The following NUP188 variants were observed in gnomAD, a reference collection of about 807,000 sequenced individuals.
The protein encoded by NUP188 is nucleoporin NUP188.
NUP188 carries 97 observed loss-of-function variants against 223.0 expected under a neutral mutation model. The observed-to-expected ratio is 0.43, with a 90% CI of 0.37 to 0.51. NUP188 has a LOEUF of 0.51. Among genes scored for constraint, NUP188 ranks in the 20% least tolerant of loss-of-function variants. The pLI, the probability that NUP188 is intolerant of heterozygous loss-of-function variation, is 0.00. For synonymous variants in NUP188, 869 were observed against 828.0 expected, an observed-to-expected ratio of 1.05 and a Z score of -0.85; for missense variants, 1,947 against 2,175.6, an observed-to-expected ratio of 0.89 and a Z score of 2.09.
At position 128,983,383 on chromosome 9, in the gene NUP188, G is replaced by A; in HGVS notation, c.1884+3G>A. 2 of 1,614,142 alleles carry A rather than the reference G, an allele frequency of 1.2e-6. No homozygotes were observed. The highest frequency in any genetic ancestry group is 1.7e-6 in the Non-Finnish European group (2 of 1,179,992). ...TGGCTGCCCGCAATCCAGCAAAGGTGAGATGCCAGATCTTCCCAAGAGCCA... is the reference window on the plus strand; with the variant it reads ...TGGCTGCCCGCAATCCAGCAAAGGTAAGATGCCAGATCTTCCCAAGAGCCA... On this transcript the variant is annotated splice_donor_region_variant and intron_variant, in intron 18 of 43. Coordinates refer to ENST00000372577, the MANE Select transcript of NUP188 (RefSeq NM_015354.3).
chr9:128,949,715 G>A (rs972452692), intron 2 of NUP188, among the ~76,000 whole-genome samples: 8 of 151,584 alleles, frequency 5.3e-5, no homozygotes, highest in Admixed American at 1.3e-4. Flanking sequence ...TGCAACCTCC[G>A]CCTCCCGAGT....
intron 13 of NUP188, among the ~76,000 whole-genome samples, chr9:128,980,337 A>G (rs1452249668): frequency 1.3e-5 from 2 of 152,178 alleles, no homozygotes; most frequent in African/African-American, 2.4e-5. Context: ...CATGTAATGC[A>G]CAGGTGAACA....
chr9:128,984,124 A>ATTTTTTTTTTT lies in NUP188; in HGVS notation c.1961+583_1961+593dup, dbSNP rs1193631566. On this transcript the variant is annotated intron_variant, in intron 19 of 43. Transcript: ENST00000372577. ...GGCGTGAGCCACCGCGCCTGGCCTG[A>ATTTTTTTTTTT]TTTTTTTTTTTTTTTTTTTGAGATG... 8.9e-4 allele frequency among the ~76,000 whole-genome samples: 83 copies of ATTTTTTTTTTT among 93,042 alleles called. 11 individuals are homozygous for ATTTTTTTTTTT. Among genetic ancestry groups the ATTTTTTTTTTT allele is most frequent in the African/African-American group, 4.1e-3 (69 of 16,960 alleles). The allele number at this position is 93,042 out of a possible 152,430, so 61.0% of individuals were successfully genotyped here.
At position 129,002,937 on chromosome 9, in the gene NUP188, C is replaced by T. The variant is rs756635317; in HGVS notation, c.4258C>T (p.Leu1420=). ...GCGCTACAACTTCCTGCCTGAGGCCCTGGACTTCGTGGGTGTCCACCAGGA... is the reference window on the plus strand; with the variant it reads ...GCGCTACAACTTCCTGCCTGAGGCCTTGGACTTCGTGGGTGTCCACCAGGA... The part of the protein sequence containing the change: ...TLRYNFLPEA[L]DFVGVHQERT... Residue 1420 remains leucine, a synonymous_variant, in exon 37 of 44, where the codon CTG becomes TTG. Coordinates refer to ENST00000372577, the MANE Select transcript of NUP188 (RefSeq NM_015354.3). 6.2e-7 allele frequency: 1 copy of T among 1,614,208 alleles called. No homozygotes were observed. The highest frequency in any genetic ancestry group is 1.1e-5 in the South Asian group (1 of 91,088).
At chr9:128,971,384 G>A (rs757361873) in intron 11 of NUP188, among the ~76,000 whole-genome samples, 6 of 152,234 alleles carry the variant, frequency 3.9e-5, no homozygotes, top group East Asian at 3.9e-4. Flanking sequence ...TTATGTTGGG[G>A]TTTGAGTGGC....
rs1315255489 is a variant in NUP188, at chr9:128,983,286, C to T, written c.1797-7C>T. On this transcript the variant is annotated splice_polypyrimidine_tract_variant and splice_region_variant and intron_variant, in intron 17 of 43. Coordinates refer to ENST00000372577, the MANE Select transcript of NUP188 (RefSeq NM_015354.3). The stretch of plus-strand genomic sequence containing the variant: ...TTATTGAGTATAGTGTATTGTTCTC[C>T]AACCAGGTTAACGACAGTGATCTCC... The T allele has an allele frequency of 5.0e-6, 8 of 1,612,696 alleles. No individual in the cohort carries two copies. Among genetic ancestry groups the T allele is most frequent in the Admixed American group, 1.7e-5 (1 of 60,006 alleles).
chr9:129,002,775 T>C (rs1339691457), intron 36 of NUP188, 42 bp from the exon 37 acceptor site: 2 of 1,595,086 alleles, frequency 1.3e-6, no homozygotes, highest in Non-Finnish European at 1.7e-6. Context: ...AGGTCCTGCC[T>C]CTCAGCAGGG....
intron 2 of NUP188, 106 bp downstream of exon 2, chr9:128,949,349 AG>A: frequency 3.8e-6 from 3 of 779,806 alleles, no homozygotes; most frequent in Non-Finnish European, 6.4e-6. Flanking sequence ...TTATTTATTT[AG>A]AGACAGAGTT....
At chr9:128,966,673 C>T (rs1014784776) in intron 8 of NUP188, among the ~76,000 whole-genome samples, 1 of 152,134 alleles carries the variant, frequency 6.6e-6, no homozygotes, top group Non-Finnish European at 1.5e-5. Flanking sequence ...TTATTTGATT[C>T]TGTTATCAGA....
In NUP188 at chr9:128,949,259, C is replaced by G; in HGVS notation, c.87+16C>G. ...GAGAGAGCTGGTAAGTGGTGGTGTT[C>G]TTGAGTGGGTTCTCTGGGTTCTTTG... On this transcript the variant is annotated intron_variant, in intron 2 of 43. Transcript: ENST00000372577. The G allele has an allele frequency of 1.2e-6, 2 of 1,601,146 alleles. No individual in the cohort carries two copies. The highest frequency in any genetic ancestry group is 1.7e-6 in the Non-Finnish European group (2 of 1,168,622).
chr9:128,966,093 ACT>A (rs541624000), intron 8 of NUP188, among the ~76,000 whole-genome samples: 346 of 125,064 alleles, frequency 2.8e-3, no homozygotes, highest in Non-Finnish European at 4.8e-3. Context: ...CCGCGCCCGG[ACT>A]CTCTCTCTTT....
intron 34 of NUP188, among the ~76,000 whole-genome samples, chr9:129,000,964 G>C (rs1228797085): frequency 6.6e-6 from 1 of 152,084 alleles, no homozygotes; most frequent in African/African-American, 2.4e-5. Flanking sequence ...CGTGAACCCA[G>C]GAGCGGAGGT....
intron 29 of NUP188, 71 bp from the exon 30 acceptor site, chr9:128,995,248 C>A: frequency 7.7e-7 from 1 of 1,296,024 alleles, no homozygotes; most frequent in Non-Finnish European, 1.1e-6. Context: ...TCTGCCTCAA[C>A]AAGGGTCTGT....
At chr9:128,961,927 G>A (rs572732169) in intron 8 of NUP188, among the ~76,000 whole-genome samples, 1 of 144,890 alleles carries the variant, frequency 6.9e-6, no homozygotes, top group African/African-American at 2.6e-5. Flanking sequence ...CCCGGCCTAG[G>A]ACATACCATA....
chr9:128,953,068 A>T (rs1588267698), intron 3 of NUP188, among the ~76,000 whole-genome samples: 1 of 152,306 alleles, frequency 6.6e-6, no homozygotes, highest in East Asian at 1.9e-4. Flanking sequence ...TATAATTATG[A>T]CCTATGTGTG....
Position 128,982,517 on chromosome 9 carries a change from A to C in NUP188, c.1517-32A>C, listed in dbSNP as rs759139734. ...GGAGTTACATTTTTTATTTATCCTCAGATATTAGACTAATTTATCTTTCTC... is the reference window on the plus strand; with the variant it reads ...GGAGTTACATTTTTTATTTATCCTCCGATATTAGACTAATTTATCTTTCTC... On this transcript the variant is annotated intron_variant, in intron 15 of 43. Transcript: ENST00000372577. 3 of 1,575,000 alleles carry C rather than the reference A, an allele frequency of 1.9e-6. No individual in the cohort carries two copies. The Admixed American group carries it at 5.5e-5, about 29-fold the overall frequency.
At position 128,969,479 on chromosome 9, in the gene NUP188, C is replaced by T. The variant is rs1427489709; in HGVS notation, c.877C>T (p.Leu293=). 10 of 1,591,610 alleles carry T rather than the reference C, an allele frequency of 6.3e-6. No individual in the cohort carries two copies. In the Admixed American group the frequency reaches 1.3e-4, roughly 21 times the overall value. ...GTGTGCTTTGGATGACAGAAGAGAA[C>T]TGCATCAGTTTGCGCAGGATGGGCT... ...HKCALDDRRE[L]HQFAQDGLIC... Residue 293 remains leucine, a synonymous_variant, in exon 10 of 44, where the codon CTG becomes TTG. Transcript: ENST00000372577.
chr9:128,964,171 C>T (rs144756607), intron 8 of NUP188: 328 of 261,284 alleles, frequency 1.3e-3, no homozygotes, highest in African/African-American at 7.2e-3. Context: ...CATCTTTTCA[C>T]GTGCTTATTT....
At position 128,973,219 on chromosome 9, in the gene NUP188, G is replaced by A. The variant is rs772997394; in HGVS notation, c.1173G>A (p.Ser391=). Residue 391 remains serine, a synonymous_variant, in exon 12 of 44, where the codon TCG becomes TCA. Transcript: ENST00000372577. ...VYGLLSFVLT[S]LELHTLGNQQ... ...GACTGCTCTCTTTCGTTCTGACCTC[G>A]TTGGAGCTGCACACCCTGGGCAATC... The A allele has an allele frequency of 3.7e-5, 60 of 1,613,208 alleles. No individual in the cohort carries two copies. Among genetic ancestry groups the A allele is most frequent in the Non-Finnish European group, 4.9e-5 (58 of 1,179,934 alleles).
Sources: gnomAD v4.1 joint callset for allele counts (sites outside exome capture counted in the v4.1 genomes callset) on GRCh38, gnomAD v4.1.1 for gene constraint, MANE v1.5 for transcripts, NCBI Gene and HGNC (gene_info 2026-07-23, HGNC 2026-07-21) for gene names.